The following PAPPA2 variants were observed in gnomAD, a reference collection of about 807,000 sequenced individuals.
The protein encoded by PAPPA2 is pappalysin-2.
PAPPA2 carries 86 observed loss-of-function variants against 176.4 expected under a neutral mutation model. The observed-to-expected ratio is 0.49, with a 90% CI of 0.41 to 0.58. PAPPA2 has a LOEUF of 0.58. PAPPA2 is among the 20% of genes least tolerant of loss of function. The probability of loss-of-function intolerance (pLI) is 0.00; values close to 1 mark genes in which losing one functional copy is unlikely to be tolerated. For missense variants in PAPPA2, 2,073 were observed against 2,256.9 expected, an observed-to-expected ratio of 0.92 and a Z score of 1.65; for synonymous variants, 809 against 852.2, an observed-to-expected ratio of 0.95 and a Z score of 0.88.
intron 17 of PAPPA2, among the ~76,000 whole-genome samples, chr1:176,774,549 T>C (rs1664368734): frequency 6.6e-6 from 1 of 152,194 alleles, no homozygotes; most frequent in Non-Finnish European, 1.5e-5. Context: ...ATTATCTTAC[T>C]GACTCAGATA....
intron 1 of PAPPA2, among the ~76,000 whole-genome samples, chr1:176,512,162 G>A (rs747585043): frequency 3.4e-5 from 5 of 148,484 alleles, no homozygotes; most frequent in African/African-American, 7.5e-5. Context: ...ATTATTCATC[G>A]GGAAAAGCAA....
intron 1 of PAPPA2, among the ~76,000 whole-genome samples, chr1:176,532,795 G>T (rs144816968): frequency 6.6e-6 from 1 of 152,094 alleles, no homozygotes; most frequent in Non-Finnish European, 1.5e-5. Context: ...CTTTGTTCTC[G>T]GCTCCCTAGA....
chr1:176,469,405 C>T (rs572448493), intron 1 of PAPPA2, among the ~76,000 whole-genome samples: 1 of 152,204 alleles, frequency 6.6e-6, no homozygotes. Context: ...CAGGCACACG[C>T]TATAACACAC....
At chr1:176,836,434 A>G (rs550826004) in intron 21 of PAPPA2, among the ~76,000 whole-genome samples, 45 of 152,356 alleles carry the variant, frequency 3.0e-4, no homozygotes, top group African/African-American at 8.4e-4. Context: ...CAGAAGTTCT[A>G]AAGTCCAAAC....
intron 3 of PAPPA2, among the ~76,000 whole-genome samples, chr1:176,609,353 T>C (rs547073380): frequency 0.014 from 2,081 of 152,268 alleles, 23 homozygotes; most frequent in Non-Finnish European, 0.021. Context: ...TTTTCTTCTC[T>C]TATGGAGCTT....
At position 176,465,143 on chromosome 1, in the gene PAPPA2, C is replaced by T. The variant is rs139267035; in HGVS notation, c.-917+1725C>T. ...TGTGCCATGATATATTTTCTTCCTT[C>T]CCATTTTTTGGGGTACATCTAAGTT... On this transcript the variant is annotated intron_variant, in intron 1 of 22. Coordinates refer to ENST00000367662, the MANE Select transcript of PAPPA2 (RefSeq NM_020318.3). Among the ~76,000 whole-genome samples the T allele has an allele frequency of 1.8e-3, 269 of 152,306 alleles. 1 individual carries two copies. The highest frequency in any genetic ancestry group is 4.3e-3 in the Admixed American group (66 of 15,290).
At position 176,831,702 on chromosome 1, in the gene PAPPA2, G is replaced by A. The variant is rs559370037; in HGVS notation, c.5203-8471G>A. Among the ~76,000 whole-genome samples the A allele has an allele frequency of 1.3e-4, 20 of 152,268 alleles. No individual in the cohort carries two copies. The Middle Eastern group carries it at 0.01, about 78-fold the overall frequency. On this transcript the variant is annotated intron_variant, in intron 21 of 22. Transcript: ENST00000367662. ...TATTTGCAACTATTTGAAAAGGGCC[G>A]TGAGGTTAGTTTTGGCTGAAAAGTA...
In PAPPA2 at chr1:176,840,268, G is replaced by T; in HGVS notation, c.5298G>T (p.Lys1766Asn). Residue 1766 changes from lysine to asparagine, a missense_variant, in exon 22 of 23, where the codon AAG (lysine) becomes AAT (asparagine). Lys to Asn is a moderately conservative substitution (Grantham distance 94). This residue lies in a region of PAPPA2 where 27 missense variants were observed against 52.1 expected (regional missense o/e 0.52). Coordinates refer to ENST00000367662, the MANE Select transcript of PAPPA2 (RefSeq NM_020318.3). ...GDCCSSTLSS[K>N]KVIPFAADCD... ...GCTGCTCTTCCACACTCTCCTCCAA[G>T]AAGGTGAGTGAGAGAACCTGGGGAT... The T allele has an allele frequency of 1.9e-6, 3 of 1,610,326 alleles. No homozygotes were observed. Among genetic ancestry groups the T allele is most frequent in the Non-Finnish European group, 1.7e-6 (2 of 1,177,170 alleles).
At chr1:176,524,142 TC>T (rs1279613081) in intron 1 of PAPPA2, among the ~76,000 whole-genome samples, 1 of 152,234 alleles carries the variant, frequency 6.6e-6, no homozygotes, top group East Asian at 1.9e-4. Context: ...TGCAGCACTG[TC>T]GTTTTCAGAC....
At chr1:176,503,875 G>A (rs1290571661) in intron 1 of PAPPA2, among the ~76,000 whole-genome samples, 1 of 152,114 alleles carries the variant, frequency 6.6e-6, no homozygotes, top group African/African-American at 2.4e-5. Context: ...GAAACAAGTA[G>A]TACAAATAAG....
intron 3 of PAPPA2, among the ~76,000 whole-genome samples, chr1:176,621,649 A>G (rs1013176510): frequency 6.6e-6 from 1 of 152,198 alleles, no homozygotes; most frequent in Non-Finnish European, 1.5e-5. Flanking sequence ...ATTCAAAACC[A>G]GAAATGACCA....
At chr1:176,651,143 C>T (rs985320325) in intron 3 of PAPPA2, among the ~76,000 whole-genome samples, 5 of 151,452 alleles carry the variant, frequency 3.3e-5, no homozygotes, top group Non-Finnish European at 7.4e-5. Context: ...GGGCTTTGTC[C>T]TAGTGTTATG....
At chr1:176,716,591 A>ATTCC (rs1297577123) in intron 12 of PAPPA2, among the ~76,000 whole-genome samples, 2 of 136,846 alleles carry the variant, frequency 1.5e-5, no homozygotes, top group African/African-American at 5.5e-5. Flanking sequence ...GATTACAACA[A>ATTCC]TTCCTTCCTT....
At chr1:176,717,233 C>T (rs572932197) in intron 12 of PAPPA2, among the ~76,000 whole-genome samples, 1 of 152,100 alleles carries the variant, frequency 6.6e-6, no homozygotes, top group Non-Finnish European at 1.5e-5. Context: ...GTTGAAACAG[C>T]CTACAGTGAA....
intron 3 of PAPPA2, 39 bp from the exon 4 acceptor site, chr1:176,670,931 T>C: frequency 6.2e-7 from 1 of 1,611,998 alleles, no homozygotes; most frequent in Non-Finnish European, 8.5e-7. Context: ...AAGTACCAAT[T>C]CTTTGCTGTG....
intron 1 of PAPPA2, among the ~76,000 whole-genome samples, chr1:176,529,221 T>TG (rs1649660238): frequency 6.6e-6 from 1 of 151,242 alleles, no homozygotes; most frequent in Non-Finnish European, 1.5e-5. Context: ...GAAAATCAGG[T>TG]GGGAAAAAAA....
At chr1:176,764,719 C>A (rs1379380778) in intron 14 of PAPPA2, among the ~76,000 whole-genome samples, 2 of 152,000 alleles carry the variant, frequency 1.3e-5, no homozygotes, top group Non-Finnish European at 2.9e-5. Flanking sequence ...GCCTCAGCCT[C>A]CCTAGTAGCT....
At position 176,556,982 on chromosome 1, in the gene PAPPA2, A is replaced by G. The variant is rs981070327; in HGVS notation, c.660A>G (p.Gln220=). 3 of 1,613,940 alleles carry G rather than the reference A, an allele frequency of 1.9e-6. No homozygotes were observed. The highest frequency in any genetic ancestry group is 3.3e-5 in the Admixed American group (2 of 59,994). ...ACTCCGGTATCTCTTCACATTTCCA[A>G]CCTTGGCCCAAGCATTCCCTTAAAC... is the stretch of plus-strand genomic sequence containing the variant. ...QGDSGISSHF[Q]PWPKHSLKHR... Residue 220 remains glutamine, a synonymous_variant, in exon 2 of 23, where the codon CAA becomes CAG. Coordinates refer to ENST00000367662, the MANE Select transcript of PAPPA2 (RefSeq NM_020318.3).
At chr1:176,517,616 T>C (rs577582914) in intron 1 of PAPPA2, among the ~76,000 whole-genome samples, 3 of 152,046 alleles carry the variant, frequency 2.0e-5, no homozygotes, top group Admixed American at 6.6e-5. Flanking sequence ...ACTGATGCAA[T>C]TAAAAACAGG....
Sources: gnomAD v4.1 joint callset for allele counts (sites outside exome capture counted in the v4.1 genomes callset) on GRCh38, gnomAD v4.1.1 for gene constraint, gnomAD v4.1.1 regional missense constraint, MANE v1.5 for transcripts, NCBI Gene and HGNC (gene_info 2026-07-23, HGNC 2026-07-21) for gene names.